Variants in DENND5B observed in about 807,000 individuals in gnomAD.
DENND5B encodes DENN domain-containing protein 5B.
Under a neutral mutation model 140.6 loss-of-function variants are expected in DENND5B, and 34 were observed. That is an observed-to-expected ratio of 0.24 (90% confidence interval 0.18 to 0.32). The LOEUF (loss-of-function observed/expected upper bound fraction) is 0.32. Among genes scored for constraint, DENND5B ranks in the 10% least tolerant of loss-of-function variants. The pLI is 1.00. For synonymous variants in DENND5B, 551 were observed against 562.1 expected, an observed-to-expected ratio of 0.98 and a Z score of 0.28; for missense variants, 1,142 against 1,560.2, an observed-to-expected ratio of 0.73 and a Z score of 4.52.
Position 31,452,398 on chromosome 12 carries a change from C to T in DENND5B, c.1171G>A (p.Asp391Asn). ...EEFPQFPNKV[D>N]FIQELSEVLV... Reference sequence around the variant, plus strand: ...ACCTCAGAGAGTTCTTGGATAAAATCCACTTTATTGGGGAACTGTGGAAAT... The same window carrying T: ...ACCTCAGAGAGTTCTTGGATAAAATTCACTTTATTGGGGAACTGTGGAAAT... Residue 391 changes from aspartate to asparagine, a missense_variant, in exon 5 of 21, where the codon GAT (aspartate) becomes AAT (asparagine). Coordinates refer to ENST00000389082, the MANE Select transcript of DENND5B (RefSeq NM_144973.4). The T allele has an allele frequency of 6.2e-7, 1 of 1,613,846 alleles. No individual in the cohort carries two copies. Among genetic ancestry groups the T allele is most frequent in the African/African-American group, 1.3e-5 (1 of 75,008 alleles).
intron 6 of DENND5B, among the ~76,000 whole-genome samples, chr12:31,444,760 G>A (rs1944203482): frequency 6.6e-6 from 1 of 152,120 alleles, no homozygotes; most frequent in African/African-American, 2.4e-5. Context: ...GGCTATTAAG[G>A]CACTGGAAGT....
intron 1 of DENND5B, among the ~76,000 whole-genome samples, chr12:31,538,461 A>AT (rs1353990663): frequency 6.6e-6 from 1 of 152,214 alleles, no homozygotes; most frequent in Non-Finnish European, 1.5e-5. Flanking sequence ...GTTTATAGCT[A>AT]TAAGTGCCTA....
intron 1 of DENND5B, among the ~76,000 whole-genome samples, chr12:31,496,400 T>G (rs1946762921): frequency 6.6e-6 from 1 of 152,196 alleles, no homozygotes. Context: ...CATATCCAGG[T>G]TCTCCAGTAA....
rs746386390 is a variant in DENND5B, at chr12:31,392,742, AACCAAAGT to A, written c.3257-54_3257-47del. On this transcript the variant is annotated intron_variant, in intron 17 of 20. Coordinates refer to ENST00000389082, the MANE Select transcript of DENND5B (RefSeq NM_144973.4). ...GCTGCATTCTCATGGGAGAGAAATA[AACCAAAGT>A]ACTATGGGACATCAACTGTGTCCAC... is the stretch of plus-strand genomic sequence containing the variant. 2.0e-6 allele frequency: 3 copies of A among 1,516,334 alleles called. No homozygotes were observed. The South Asian group carries it at 3.7e-5, about 18-fold the overall frequency. The allele number at this position is 1,516,334 out of a possible 1,614,324, so 93.9% of individuals were successfully genotyped here.
chr12:31,561,483 A>C (rs1272163848), intron 1 of DENND5B, among the ~76,000 whole-genome samples: 1 of 152,090 alleles, frequency 6.6e-6, no homozygotes, highest in East Asian at 1.9e-4. Flanking sequence ...CAACAACAAC[A>C]ATTTATGCTC....
At chr12:31,562,821 T>C in intron 1 of DENND5B, among the ~76,000 whole-genome samples, 1 of 152,176 alleles carries the variant, frequency 6.6e-6, no homozygotes. Flanking sequence ...ACAAGACTTC[T>C]AATTCTGTCC....
At chr12:31,400,785 G>C (rs761857264) in intron 15 of DENND5B, among the ~76,000 whole-genome samples, 3 of 151,372 alleles carry the variant, frequency 2.0e-5, no homozygotes, top group Admixed American at 1.3e-4. Flanking sequence ...TGCTGTGCTA[G>C]CAAATACTAG....
At chr12:31,401,591 T>A (rs1377070312) in intron 15 of DENND5B, among the ~76,000 whole-genome samples, 2 of 152,152 alleles carry the variant, frequency 1.3e-5, no homozygotes, top group South Asian at 2.1e-4. Flanking sequence ...TTTCACCAAG[T>A]AAGACTGAAA....
chr12:31,431,404 C>T (rs1012674126), intron 8 of DENND5B, among the ~76,000 whole-genome samples: 10 of 152,150 alleles, frequency 6.6e-5, no homozygotes, highest in African/African-American at 2.4e-4. Context: ...TTAGTGCAAG[C>T]TGGCATGCAG....
At chr12:31,458,018 C>G (rs1944861767) in intron 4 of DENND5B, among the ~76,000 whole-genome samples, 1 of 152,158 alleles carries the variant, frequency 6.6e-6, no homozygotes, top group African/African-American at 2.4e-5. Flanking sequence ...CCAGCCGAAG[C>G]ACTGCTATTT....
chr12:31,426,175 TAA>T (rs1267903988), intron 9 of DENND5B, 116 bp downstream of exon 9: 2 of 1,247,474 alleles, frequency 1.6e-6, no homozygotes, highest in Non-Finnish European at 2.1e-6. Context: ...AATGCCACAG[TAA>T]AAGTTTTCTT....
chr12:31,412,499 C>A (rs1942514007), intron 13 of DENND5B, among the ~76,000 whole-genome samples: 1 of 152,122 alleles, frequency 6.6e-6, no homozygotes, highest in African/African-American at 2.4e-5. Flanking sequence ...AACCTAGATC[C>A]CTCACATGCG....
Position 31,384,269 on chromosome 12 carries a change from T to C in DENND5B, c.*3334A>G, listed in dbSNP as rs1314191871. 3 of 152,192 alleles carry C rather than the reference T, an allele frequency of 2.0e-5. No homozygotes were observed. The highest frequency in any genetic ancestry group is 6.6e-5 in the Admixed American group (1 of 15,262). 9.4% of individuals were successfully genotyped at this position (152,192 alleles called of 1,614,324 possible). On this transcript the variant is annotated 3_prime_UTR_variant, in exon 21 of 21. Transcript: ENST00000389082. Reference sequence around the variant, plus strand: ...AACTCCTGGGTTGAAGTGATCCTCCTGCCTTGGCTTCCCAAGCAGCTGGGA... The same window carrying C: ...AACTCCTGGGTTGAAGTGATCCTCCCGCCTTGGCTTCCCAAGCAGCTGGGA...
chr12:31,384,699 T>G lies in DENND5B; in HGVS notation c.*2904A>C, dbSNP rs1391112927. 1.3e-5 allele frequency: 2 copies of G among 152,140 alleles called. No homozygotes were observed. Among genetic ancestry groups the G allele is most frequent in the Non-Finnish European group, 2.9e-5 (2 of 68,026 alleles). 9.4% of individuals were successfully genotyped at this position (152,140 alleles called of 1,614,324 possible). On this transcript the variant is annotated 3_prime_UTR_variant, in exon 21 of 21. Transcript: ENST00000389082. ...GATGAAACTTCAGGTGTAACTTTTT[T>G]GGGGGTATTACTTTTTAAAGTAATG...
intron 1 of DENND5B, among the ~76,000 whole-genome samples, chr12:31,569,400 C>T (rs1029542011): frequency 6.6e-6 from 1 of 152,114 alleles, no homozygotes; most frequent in South Asian, 2.1e-4. Context: ...ATATATCTGG[C>T]TCTGGAAACA....
At chr12:31,521,607 T>C (rs1197303331) in intron 1 of DENND5B, among the ~76,000 whole-genome samples, 4 of 152,198 alleles carry the variant, frequency 2.6e-5, no homozygotes, top group Non-Finnish European at 5.9e-5. Flanking sequence ...CAGAAATGTG[T>C]GTGGGTTTTT....
chr12:31,447,857 A>T lies in DENND5B; in HGVS notation c.1630-88T>A. ...CCTGAAAATTATGTTAACTCAGGAC[A>T]TTCCTTTTTTAAATCTTATAAAACT... On this transcript the variant is annotated intron_variant, in intron 5 of 20. Coordinates refer to ENST00000389082, the MANE Select transcript of DENND5B (RefSeq NM_144973.4). 3.3e-6 allele frequency: 3 copies of T among 908,776 alleles called. No individual in the cohort carries two copies. In the South Asian group the frequency reaches 5.6e-5, roughly 17 times the overall value. 56.3% of individuals were successfully genotyped at this position (908,776 alleles called of 1,614,324 possible).
At chr12:31,575,188 T>TA (rs1169901871) in intron 1 of DENND5B, among the ~76,000 whole-genome samples, 2 of 152,244 alleles carry the variant, frequency 1.3e-5, no homozygotes, top group African/African-American at 4.8e-5. Flanking sequence ...CCTTAAAAGT[T>TA]AGAGTTGAAG....
At chr12:31,412,079 C>G (rs1942491386) in intron 13 of DENND5B, among the ~76,000 whole-genome samples, 1 of 152,116 alleles carries the variant, frequency 6.6e-6, no homozygotes, top group Non-Finnish European at 1.5e-5. Flanking sequence ...CTCCAAGTAG[C>G]TGGGATTACA....
Sources: gnomAD v4.1 joint callset for allele counts (sites outside exome capture counted in the v4.1 genomes callset) on GRCh38, gnomAD v4.1.1 for gene constraint, MANE v1.5 for transcripts, NCBI Gene and HGNC (gene_info 2026-07-23, HGNC 2026-07-21) for gene names.